Variants in SCN10A observed in about 807,000 individuals in gnomAD.
SCN10A encodes the protein sodium voltage-gated channel alpha subunit 10.
A neutral mutation model predicts 170.7 loss-of-function variants in SCN10A; 162 were observed. The observed-to-expected ratio is 0.95, with a 90% CI of 0.84 to 1.08. SCN10A has a LOEUF of 1.08. Ranked by LOEUF, SCN10A falls within the 50% of genes least tolerant of loss-of-function variation. The pLI is 0.00. For missense variants in SCN10A, 2,527 were observed against 2,436.9 expected, an observed-to-expected ratio of 1.04 and a Z score of -0.78; for synonymous variants, 985 against 904.6, an observed-to-expected ratio of 1.09 and a Z score of -1.59.
At chr3:38,730,207 A>G (rs998753253) in intron 15 of SCN10A, among the ~76,000 whole-genome samples, 2 of 152,216 alleles carry the variant, frequency 1.3e-5, no homozygotes, top group Admixed American at 1.3e-4. Flanking sequence ...CAATCCCAGG[A>G]GAATGCAAGG....
At chr3:38,794,069 G>A (rs571688001) in intron 1 of SCN10A, 27 bp from the exon 2 acceptor site, 486 of 1,526,038 alleles carry the variant, frequency 3.2e-4, no homozygotes, top group African/African-American at 2.1e-3. Flanking sequence ...TAACCACAGA[G>A]AGGTGACAGC....
At position 38,752,241 on chromosome 3, in the gene SCN10A, G is replaced by A. The variant is rs535115766; in HGVS notation, c.1733C>T (p.Ala578Val). Residue 578 changes from alanine (A) to valine (V), a missense_variant, in exon 12 of 28, where the codon GCC becomes GTC. Transcript: ENST00000449082. ...EHQPPPTSELAPGAVDVSAFD... is the reference protein window; with the variant it reads ...EHQPPPTSELVPGAVDVSAFD... ...CACCGAGACATCGACAGCTCCAGGG[G>A]CAAGCTCACTAGTGGGCGGCGGTTG... 30 of 1,544,208 alleles carry A rather than the reference G, an allele frequency of 1.9e-5. No individual in the cohort carries two copies. Among genetic ancestry groups the A allele is most frequent in the Non-Finnish European group, 2.4e-5 (27 of 1,144,600 alleles).
chr3:38,739,665 A>G lies in SCN10A; in HGVS notation c.2130T>C (p.Ala710=), dbSNP rs778052433. The part of the protein sequence containing the change: ...GNIVFTIFFT[A]EMVFKIIAFD... ...AGGCAATGATTTTGAAGACCATTTC[A>G]GCAGTAAAAAATATGGTAAAGACCT... The change falls in exon 15 of 28, where the codon GCT becomes GCC. Residue 710 remains alanine (A), a synonymous_variant. Coordinates refer to ENST00000449082, the MANE Select transcript of SCN10A (RefSeq NM_006514.4). 39 of 1,614,040 alleles carry G rather than the reference A, an allele frequency of 2.4e-5. No individual in the cohort carries two copies. In the African/African-American group the frequency reaches 2.9e-4, roughly 12 times the overall value.
intron 8 of SCN10A, among the ~76,000 whole-genome samples, chr3:38,758,894 CT>C (rs1276625271): frequency 6.6e-6 from 1 of 152,198 alleles, no homozygotes; most frequent in African/African-American, 2.4e-5. Flanking sequence ...GAGCCATTGC[CT>C]TGAGAAATGC....
chr3:38,698,235 C>T lies in SCN10A; in HGVS notation c.4985G>A (p.Gly1662Asp). The change falls in exon 28 of 28, where the codon GGC (glycine) becomes GAC (aspartate). Residue 1662 changes from glycine (G) to aspartate (D), a missense_variant. Physicochemically the swap from Gly to Asp is moderately conservative, Grantham distance 94. Coordinates refer to ENST00000449082, the MANE Select transcript of SCN10A (RefSeq NM_006514.4). ...LCLFQITTSA[G>D]WDGLLSPILN... ...GATGGGGCTGAGGAGGCCATCCCAG[C>T]CGGCCGACGTGGTAATCTGGAAGAG... 6.2e-7 allele frequency: 1 copy of T among 1,614,100 alleles called. No homozygotes were observed. Among genetic ancestry groups the T allele is most frequent in the Non-Finnish European group, 8.5e-7 (1 of 1,180,006 alleles).
intron 20 of SCN10A, among the ~76,000 whole-genome samples, chr3:38,720,434 T>G (rs1174077297): frequency 6.6e-6 from 1 of 152,262 alleles, no homozygotes; most frequent in Non-Finnish European, 1.5e-5. Flanking sequence ...CAAGTGAGTT[T>G]CTCTTTGAGT....
chr3:38,810,227 G>A (rs1449095154), intron 1 of SCN10A, among the ~76,000 whole-genome samples: 5 of 152,118 alleles, frequency 3.3e-5, no homozygotes, highest in East Asian at 1.9e-4. Context: ...GAAAAAATAC[G>A]CAAATTATAA....
chr3:38,727,950 T>C (rs2063474868), intron 16 of SCN10A, among the ~76,000 whole-genome samples: 1 of 152,200 alleles, frequency 6.6e-6, no homozygotes, highest in Non-Finnish European at 1.5e-5. Context: ...TCTGTGGCCT[T>C]GGATGTTGTC....
At chr3:38,804,626 G>T (rs777354270) in intron 1 of SCN10A, among the ~76,000 whole-genome samples, 1 of 152,254 alleles carries the variant, frequency 6.6e-6, no homozygotes, top group East Asian at 1.9e-4. Context: ...ACCTGACACC[G>T]AAATTGAGTT....
intron 1 of SCN10A, among the ~76,000 whole-genome samples, chr3:38,807,033 C>T (rs1269641694): frequency 3.3e-5 from 5 of 152,078 alleles, no homozygotes. Flanking sequence ...CTATTATATC[C>T]TTAACAGATA....
chr3:38,755,905 T>A lies in SCN10A; in HGVS notation c.1344A>T (p.Ser448=). 1 of 1,614,200 alleles carries A rather than the reference T, an allele frequency of 6.2e-7. No homozygotes were observed. The highest frequency in any genetic ancestry group is 8.5e-7 in the Non-Finnish European group (1 of 1,180,022). Residue 448 remains serine, a synonymous_variant, in exon 11 of 28, where the codon TCA becomes TCT. Coordinates refer to ENST00000449082, the MANE Select transcript of SCN10A (RefSeq NM_006514.4). ...CACTGGCATTTTTGGAGGTTAAAGGTGATCCATTGTGGGAGTGGAGAGAGG... is the reference window on the plus strand; with the variant it reads ...CACTGGCATTTTTGGAGGTTAAAGGAGATCCATTGTGGGAGTGGAGAGAGG... ...DTTSLHSHNG[S]PLTSKNASER...
At chr3:38,764,339 C>A (rs1364235872) in intron 5 of SCN10A, among the ~76,000 whole-genome samples, 1 of 152,132 alleles carries the variant, frequency 6.6e-6, no homozygotes, top group East Asian at 1.9e-4. Context: ...ACACTGTACC[C>A]AGTGTGTAGT....
chr3:38,746,071 A>ATATGTGTGTGTG (rs1265817142), intron 13 of SCN10A, among the ~76,000 whole-genome samples: 1 of 91,090 alleles, frequency 1.1e-5, no homozygotes, highest in African/African-American at 3.8e-5. Flanking sequence ...GTGTATATAT[A>ATATGTGTGTGTG]TATATATATA....
At chr3:38,772,730 CAAAAACAAA>C (rs2064022455) in intron 4 of SCN10A, among the ~76,000 whole-genome samples, 3 of 95,770 alleles carry the variant, frequency 3.1e-5, no homozygotes, top group African/African-American at 1.2e-4. Flanking sequence ...ACAACAAAAA[CAAAAACAAA>C]AAAAAAAAAA....
intron 13 of SCN10A, among the ~76,000 whole-genome samples, chr3:38,744,817 A>G (rs2126017034): frequency 6.6e-6 from 1 of 152,294 alleles, no homozygotes; most frequent in South Asian, 2.1e-4. Context: ...TCATGTTATT[A>G]CCATTTATGT....
chr3:38,719,304 C>T (rs1381809294), intron 20 of SCN10A, among the ~76,000 whole-genome samples: 1 of 146,590 alleles, frequency 6.8e-6, no homozygotes, highest in Non-Finnish European at 1.5e-5. Flanking sequence ...TTTTATCAGA[C>T]TGGTGGAGAT....
chr3:38,761,856 GAGAGAGAGAA>G (rs2063877835), intron 6 of SCN10A, among the ~76,000 whole-genome samples: 3 of 151,504 alleles, frequency 2.0e-5, no homozygotes, highest in African/African-American at 7.3e-5. Flanking sequence ...GAGAGAGAGA[GAGAGAGAGAA>G]AGAGAGAGAG....
intron 25 of SCN10A, among the ~76,000 whole-genome samples, chr3:38,709,168 C>T (rs1304172416): frequency 6.6e-6 from 1 of 152,134 alleles, no homozygotes; most frequent in African/African-American, 2.4e-5. Flanking sequence ...AGTTCTAGAT[C>T]CCTTTCTTTC....
rs770429498 is a variant in SCN10A, at chr3:38,728,626, C to T, written c.2556G>A (p.Glu852=). Residue 852 remains glutamate, a synonymous_variant, in exon 16 of 28, where the codon GAG becomes GAA. Transcript: ENST00000449082. The part of the protein sequence containing the change: ...VFRILCGEWI[E]NMWACMEVGQ... ...CAACTTCCATGCAGGCCCACATGTT[C>T]TCAATCCACTCTCCACAGAGGATAC... The T allele has an allele frequency of 5.6e-6, 9 of 1,613,826 alleles. No homozygotes were observed. In the East Asian group the frequency reaches 1.8e-4, roughly 32 times the overall value.
Sources: allele counts gnomAD v4.1 joint callset (sites outside exome capture counted in the v4.1 genomes callset), GRCh38; gene constraint gnomAD v4.1.1; transcripts MANE v1.5; gene names NCBI Gene and HGNC (gene_info 2026-07-23, HGNC 2026-07-21).